Variants in ADGRL2 observed in about 807,000 individuals in gnomAD.
ADGRL2 encodes the protein calcium-independent alpha-latrotoxin receptor 2.
ADGRL2 carries 44 observed loss-of-function variants against 157.4 expected under a neutral mutation model. The observed-to-expected ratio is 0.28, with a 90% confidence interval of 0.22 to 0.36. The LOEUF is 0.36. Among genes scored for constraint, ADGRL2 ranks in the 10% least tolerant of loss-of-function variants. The pLI is 1.00. For synonymous variants in ADGRL2, 585 were observed against 624.7 expected (o/e 0.94, Z 0.95); for missense variants, 1,510 against 1,768.9 (o/e 0.85, Z 2.63).
chr1:81,739,943 T>G (rs1262307373), intron 1 of ADGRL2, among the ~76,000 whole-genome samples: 3 of 152,160 alleles, frequency 2.0e-5, no homozygotes, highest in Non-Finnish European at 2.9e-5. Context: ...AATATACAAA[T>G]GTACATGCAT....
chr1:81,482,806 TTA>T (rs1360399010), intron 2 of ADGRL2, among the ~76,000 whole-genome samples: 2 of 151,458 alleles, frequency 1.3e-5, no homozygotes, highest in African/African-American at 4.8e-5. Context: ...ACATTTTACA[TTA>T]TATATATGTT....
chr1:81,940,714 G>A (rs1647601426), intron 4 of ADGRL2, among the ~76,000 whole-genome samples: 1 of 114,682 alleles, frequency 8.7e-6, no homozygotes, highest in Non-Finnish European at 1.8e-5. Flanking sequence ...AGTACATTTT[G>A]GAAATGCAGT....
At chr1:81,524,776 A>G (rs1296132238) in intron 2 of ADGRL2, among the ~76,000 whole-genome samples, 1 of 152,032 alleles carries the variant, frequency 6.6e-6, no homozygotes, top group Non-Finnish European at 1.5e-5. Context: ...CAGGCCTGTA[A>G]TCCTAGCTAC....
intron 1 of ADGRL2, among the ~76,000 whole-genome samples, chr1:81,833,701 G>T (rs1469863372): frequency 2.6e-5 from 4 of 152,142 alleles, no homozygotes; most frequent in Non-Finnish European, 5.9e-5. Flanking sequence ...TTAGGCGCGG[G>T]ATATTTAATG....
intron 2 of ADGRL2, among the ~76,000 whole-genome samples, chr1:81,489,251 TAA>T (rs2078578819): frequency 6.7e-6 from 1 of 149,958 alleles, no homozygotes; most frequent in Admixed American, 6.6e-5. Context: ...AAAAAATTAA[TAA>T]TAAAATAAAA....
chr1:81,865,207 T>C (rs1214993237), intron 2 of ADGRL2, among the ~76,000 whole-genome samples: 2 of 152,196 alleles, frequency 1.3e-5, no homozygotes, highest in Non-Finnish European at 2.9e-5. Context: ...ATTTTGTTTT[T>C]CTAAAATTTA....
intron 3 of ADGRL2, among the ~76,000 whole-genome samples, chr1:81,933,792 T>C (rs2095269749): frequency 6.6e-6 from 1 of 152,122 alleles, no homozygotes; most frequent in Non-Finnish European, 1.5e-5. Context: ...TATTTCTATT[T>C]CTGTAATTTG....
At chr1:81,584,891 T>C (rs1387230591) in intron 3 of ADGRL2, among the ~76,000 whole-genome samples, 2 of 152,312 alleles carry the variant, frequency 1.3e-5, no homozygotes, top group East Asian at 3.9e-4. Context: ...TCAAGTTTCT[T>C]GCTCTATTTT....
chr1:81,747,035 T>C (rs1036437544), intron 1 of ADGRL2, among the ~76,000 whole-genome samples: 9 of 129,240 alleles, frequency 7.0e-5, no homozygotes, highest in African/African-American at 2.3e-4. Context: ...TGTATATACG[T>C]ATATATATGT....
chr1:81,543,194 A>G (rs2079929983), intron 2 of ADGRL2, among the ~76,000 whole-genome samples: 2 of 151,512 alleles, frequency 1.3e-5, no homozygotes, highest in African/African-American at 4.9e-5. Flanking sequence ...CATATGTTAG[A>G]CTCCTAATTC....
At chr1:81,831,020 C>T (rs908173130) in intron 1 of ADGRL2, among the ~76,000 whole-genome samples, 2 of 152,028 alleles carry the variant, frequency 1.3e-5, no homozygotes, top group African/African-American at 2.4e-5. Flanking sequence ...AACAAAGGAT[C>T]CAGTGCAGTG....
intron 2 of ADGRL2, among the ~76,000 whole-genome samples, chr1:81,776,094 G>A (rs539036627): frequency 1.3e-5 from 2 of 152,172 alleles, no homozygotes; most frequent in African/African-American, 4.8e-5. Context: ...GGAATGGGAA[G>A]CTCACTACTT....
chr1:81,588,508 C>T (rs957001167), intron 3 of ADGRL2: 2 of 152,186 alleles, frequency 1.3e-5, no homozygotes, highest in Admixed American at 6.6e-5. Flanking sequence ...GTCCCAAGCC[C>T]GTAACATAAT....
At chr1:81,654,947 G>A (rs1052093245) in intron 3 of ADGRL2, among the ~76,000 whole-genome samples, 1 of 151,672 alleles carries the variant, frequency 6.6e-6, no homozygotes, top group Non-Finnish European at 1.5e-5. Flanking sequence ...GCTCATTCTG[G>A]TTTTGCTTTG....
At chr1:81,697,566 T>C (rs567106197), upstream of ADGRL2, among the ~76,000 whole-genome samples, 6 of 152,262 alleles carry the variant, frequency 3.9e-5, no homozygotes, top group African/African-American at 1.4e-4. Context: ...GGTATGATCA[T>C]TGACTGACCC....
chr1:81,559,888 T>C (rs918003483), intron 2 of ADGRL2, among the ~76,000 whole-genome samples: 1 of 144,732 alleles, frequency 6.9e-6, no homozygotes, highest in Non-Finnish European at 1.6e-5. Flanking sequence ...ATATTAAACA[T>C]CTTTAATAAA....
At chr1:81,851,068 C>G (rs1370192232) in intron 2 of ADGRL2, among the ~76,000 whole-genome samples, 1 of 151,802 alleles carries the variant, frequency 6.6e-6, no homozygotes, top group Non-Finnish European at 1.5e-5. Context: ...TTATGAATAT[C>G]GAAAACAAAG....
At chr1:81,724,600 T>G (rs1392830416) in intron 1 of ADGRL2, among the ~76,000 whole-genome samples, 1 of 152,228 alleles carries the variant, frequency 6.6e-6, no homozygotes, top group African/African-American at 2.4e-5. Context: ...TCAATTCTTA[T>G]TTTAAATAAG....
intron 3 of ADGRL2, among the ~76,000 whole-genome samples, chr1:81,581,872 G>GCACA (rs1491200756): frequency 1.8e-3 from 153 of 85,354 alleles, no homozygotes; most frequent in African/African-American, 5.9e-3. Context: ...ACACACATGC[G>GCACA]CGCACACACA....
Sources: allele counts gnomAD v4.1 joint callset (sites outside exome capture counted in the v4.1 genomes callset), GRCh38; gene constraint gnomAD v4.1.1; transcripts MANE v1.5; gene names NCBI Gene and HGNC (gene_info 2026-07-23, HGNC 2026-07-21).